The following UGT1A5 variants were observed in gnomAD, a reference collection of about 807,000 sequenced individuals.
The protein encoded by UGT1A5 is UDP glucuronosyltransferase family 1 member A5.
Under a neutral mutation model 40.3 loss-of-function variants are expected in UGT1A5, and 29 were observed. The observed-to-expected ratio is 0.72, with a 90% CI of 0.54 to 0.98. The LOEUF (loss-of-function observed/expected upper bound fraction) is 0.98. UGT1A5 is among the 50% of genes least tolerant of loss of function. The pLI, the probability that UGT1A5 is intolerant of heterozygous loss-of-function variation, is 0.00. For missense variants in UGT1A5, 678 were observed against 677.9 expected (o/e 1.00, Z 0.00); for synonymous variants, 257 against 262.5 (o/e 0.98, Z 0.20).
intron 1 of UGT1A5, among the ~76,000 whole-genome samples, chr2:233,762,016 T>C (rs1483178639): frequency 3.9e-5 from 6 of 152,180 alleles, no homozygotes; most frequent in Non-Finnish European, 2.9e-5. Flanking sequence ...CAATGTGATT[T>C]GTATTTTATT....
chr2:233,728,472 C>A (rs778651891), intron 1 of UGT1A5, among the ~76,000 whole-genome samples: 1 of 152,182 alleles, frequency 6.6e-6, no homozygotes, highest in African/African-American at 2.4e-5. Context: ...TCCCAAGAAT[C>A]TGATCATCAC....
chr2:233,746,916 C>G (rs1283872586), intron 1 of UGT1A5, among the ~76,000 whole-genome samples: 1 of 151,772 alleles, frequency 6.6e-6, no homozygotes, highest in Non-Finnish European at 1.5e-5. Flanking sequence ...TGGGTTTCCA[C>G]AGGCCTTTGT....
intron 1 of UGT1A5, chr2:233,750,662 C>T (rs1387659754): frequency 7.0e-6 from 1 of 143,446 alleles, no homozygotes; most frequent in Non-Finnish European, 1.5e-5. Context: ...ACTTGGTGCC[C>T]TGTGTCCCAG....
At chr2:233,759,598 G>T (rs1449245871) in intron 1 of UGT1A5, among the ~76,000 whole-genome samples, 1 of 32,538 alleles carries the variant, frequency 3.1e-5, no homozygotes, top group Non-Finnish European at 7.1e-5. Flanking sequence ...CCCCACCCCC[G>T]ACCCGCCCCA....
chr2:233,746,165 A>G (rs530256545), intron 1 of UGT1A5, among the ~76,000 whole-genome samples: 2 of 151,990 alleles, frequency 1.3e-5, no homozygotes, highest in South Asian at 4.2e-4. Context: ...CAAAGCCAAA[A>G]TCTTGCCTGT....
intron 1 of UGT1A5, among the ~76,000 whole-genome samples, chr2:233,746,102 A>G (rs1005721725): frequency 1.5e-4 from 23 of 151,842 alleles, no homozygotes; most frequent in African/African-American, 5.4e-4. Flanking sequence ...ACATGTCCAG[A>G]GTGCTTACTG....
intron 1 of UGT1A5, among the ~76,000 whole-genome samples, chr2:233,721,219 T>C (rs535662083): frequency 2.0e-5 from 3 of 152,354 alleles, no homozygotes; most frequent in African/African-American, 7.2e-5. Flanking sequence ...TTTCCCCTTA[T>C]GCAATGTAGT....
chr2:233,768,119 T>G, intron 3 of UGT1A5, 101 bp from the exon 4 acceptor site: 4 of 1,600,008 alleles, frequency 2.5e-6, no homozygotes, highest in Non-Finnish European at 3.4e-6. Flanking sequence ...CAAGGGCATG[T>G]GAGTAACACT....
chr2:233,743,058 A>G lies in UGT1A5; in HGVS notation c.868-23976A>G, dbSNP rs79897461. ...GTCCTATCCGTGTAGTCCCAACGAT[A>G]AGAACAGGTGTTGGCATGAAGTGTT... On this transcript the variant is annotated intron_variant, in intron 1 of 4. Coordinates refer to ENST00000373414, the MANE Select transcript of UGT1A5 (RefSeq NM_019078.2). The G allele has an allele frequency of 7.7e-5, 25 of 325,552 alleles. No homozygotes were observed. The East Asian group carries it at 1.9e-3, about 25-fold the overall frequency. The allele number at this position is 325,552 out of a possible 1,614,324, so 20.2% of individuals were successfully genotyped here. A position where few individuals can be genotyped will look rare whatever the true frequency, so the allele number is the denominator to read the frequency against.
At chr2:233,724,615 G>A (rs2077289109) in intron 1 of UGT1A5, among the ~76,000 whole-genome samples, 1 of 137,470 alleles carries the variant, frequency 7.3e-6, no homozygotes, top group South Asian at 2.8e-4. Flanking sequence ...GCCGGGCAGA[G>A]ACGCTCCTCA....
chr2:233,715,540 GGGA>G, intron 1 of UGT1A5, among the ~76,000 whole-genome samples: 1 of 152,104 alleles, frequency 6.6e-6, no homozygotes. Flanking sequence ...GGGAGACCGA[GGGA>G]GGAGGATTGC....
At chr2:233,757,535 A>AATATATATATATATATATATATATATAT (rs67292694) in intron 1 of UGT1A5, among the ~76,000 whole-genome samples, 42 of 88,242 alleles carry the variant, frequency 4.8e-4, no homozygotes, top group East Asian at 2.0e-3. Context: ...GCCTGTAAGG[A>AATATATATATATATATATATATATATAT]ATATATATAT....
At position 233,732,107 on chromosome 2, in the gene UGT1A5, C is replaced by A. The variant is rs564332248; in HGVS notation, c.867+18249C>A. Among the ~76,000 whole-genome samples the A allele has an allele frequency of 2.0e-5, 3 of 151,486 alleles. No individual in the cohort carries two copies. In the East Asian group the frequency reaches 5.8e-4, roughly 29 times the overall value. On this transcript the variant is annotated intron_variant, in intron 1 of 4. Coordinates refer to ENST00000373414, the MANE Select transcript of UGT1A5 (RefSeq NM_019078.2). The stretch of plus-strand genomic sequence containing the variant: ...TCTTTTGAGAAGTGTCTGTTCATAT[C>A]CTTTGCCCACTTTTTGATGAGGTTG...
In UGT1A5 at chr2:233,755,690, C is replaced by T. The variant is rs58069490; in HGVS notation, c.868-11344C>T. 7.1e-3 allele frequency: 1,102 copies of T among 155,734 alleles called. 14 individuals carry two copies. Among genetic ancestry groups the T allele is most frequent in the African/African-American group, 0.021 (857 of 41,546 alleles). The allele number at this position is 155,734 out of a possible 1,614,324, so 9.6% of individuals were successfully genotyped here. The stretch of plus-strand genomic sequence containing the variant: ...GTGGTGGGAGTGAGTTTAGTCTGAC[C>T]GGGGCTGAAGACATCCTGTTGTTTA... On this transcript the variant is annotated intron_variant, in intron 1 of 4. Transcript: ENST00000373414.
intron 1 of UGT1A5, among the ~76,000 whole-genome samples, chr2:233,730,768 A>G (rs1007690415): frequency 3.9e-5 from 6 of 152,134 alleles, no homozygotes; most frequent in African/African-American, 1.4e-4. Flanking sequence ...TGAATCTATA[A>G]GCCCAGTGAA....
Position 233,773,250 on chromosome 2 carries a change from T to C in UGT1A5, c.*691T>C, listed in dbSNP as rs967229603. 2.0e-5 allele frequency: 3 copies of C among 152,350 alleles called. No homozygotes were observed. Among genetic ancestry groups the C allele is most frequent in the Admixed American group, 6.5e-5 (1 of 15,274 alleles). The allele number at this position is 152,350 out of a possible 1,614,324, so 9.4% of individuals were successfully genotyped here. A position where few individuals can be genotyped will look rare whatever the true frequency, so the allele number is the denominator to read the frequency against. Reference sequence around the variant, plus strand: ...AAGTGCTGGGCAAGTTTACTTTTTTTCTGATGTTTCCTACAACTAAAAATA... The same window carrying C: ...AAGTGCTGGGCAAGTTTACTTTTTTCCTGATGTTTCCTACAACTAAAAATA... On this transcript the variant is annotated 3_prime_UTR_variant, in exon 5 of 5. Coordinates refer to ENST00000373414, the MANE Select transcript of UGT1A5 (RefSeq NM_019078.2).
At chr2:233,747,527 T>G (rs1237082221) in intron 1 of UGT1A5, 2 of 1,605,936 alleles carry the variant, frequency 1.2e-6, no homozygotes, top group African/African-American at 1.3e-5. Context: ...AAACAGAACA[T>G]TTTCTGAAGA....
chr2:233,766,377 AATGT>A (rs1451884562), intron 1 of UGT1A5, among the ~76,000 whole-genome samples: 1 of 151,914 alleles, frequency 6.6e-6, no homozygotes, highest in Non-Finnish European at 1.5e-5. Context: ...AGTTCTTCTC[AATGT>A]CCAGCTGTCC....
At chr2:233,757,535 A>AATATATATACATATACATACATATAT (rs376887521) in intron 1 of UGT1A5, among the ~76,000 whole-genome samples, 2 of 88,310 alleles carry the variant, frequency 2.3e-5, no homozygotes, top group African/African-American at 1.0e-4. Flanking sequence ...GCCTGTAAGG[A>AATATATATACATATACATACATATAT]ATATATATAT....
Sources: gnomAD v4.1 joint callset for allele counts (sites outside exome capture counted in the v4.1 genomes callset) on GRCh38, gnomAD v4.1.1 for gene constraint, MANE v1.5 for transcripts, NCBI Gene and HGNC (gene_info 2026-07-23, HGNC 2026-07-21) for gene names.